The following REPS1 variants were observed in gnomAD, a reference collection of about 807,000 sequenced individuals.
REPS1 encodes the protein RALBP1 associated Eps domain containing 1, also known as ralBP1-associated Eps domain-containing protein 1.
Under a neutral mutation model 100.9 loss-of-function variants are expected in REPS1, and 39 were observed. The ratio of observed to expected loss-of-function variants is 0.39; its 90% confidence interval spans 0.30 to 0.50. The LOEUF (loss-of-function observed/expected upper bound fraction) is 0.50. REPS1 is among the 20% of genes least tolerant of loss of function. The pLI, the probability that REPS1 is intolerant of heterozygous loss-of-function variation, is 0.86. For missense variants in REPS1, 821 were observed against 968.5 expected (o/e 0.85, Z 2.02); for synonymous variants, 324 against 340.3 (o/e 0.95, Z 0.53).
At chr6:138,920,826 A>G (rs967985785) in intron 11 of REPS1, among the ~76,000 whole-genome samples, 1 of 152,236 alleles carries the variant, frequency 6.6e-6, no homozygotes, top group Non-Finnish European at 1.5e-5. Flanking sequence ...GAAATGTCAC[A>G]TTTTCAAATG....
At chr6:138,941,693 G>A (rs1782260647) in intron 7 of REPS1, among the ~76,000 whole-genome samples, 1 of 151,994 alleles carries the variant, frequency 6.6e-6, no homozygotes, top group Non-Finnish European at 1.5e-5. Flanking sequence ...GAATGCTTAT[G>A]GTACTCTTCT....
At chr6:138,979,241 C>T (rs1784795793) in intron 1 of REPS1, among the ~76,000 whole-genome samples, 1 of 145,870 alleles carries the variant, frequency 6.9e-6, no homozygotes, top group South Asian at 2.2e-4. Flanking sequence ...TATCAAAGGA[C>T]TCTGTGCAGT....
chr6:138,923,525 G>C (rs1375184023), intron 10 of REPS1, among the ~76,000 whole-genome samples: 1 of 152,184 alleles, frequency 6.6e-6, no homozygotes. Context: ...TATTTGCAGT[G>C]CAATCAATCA....
intron 1 of REPS1, among the ~76,000 whole-genome samples, chr6:138,950,435 G>A (rs185715815): frequency 6.6e-6 from 1 of 152,252 alleles, no homozygotes; most frequent in African/African-American, 2.4e-5. Context: ...AAGCTATGAT[G>A]GTTTTACTTC....
intron 1 of REPS1, among the ~76,000 whole-genome samples, chr6:138,974,246 T>C (rs1399991962): frequency 6.6e-6 from 1 of 152,170 alleles, no homozygotes; most frequent in South Asian, 2.1e-4. Flanking sequence ...AAGAAATCTG[T>C]CTACAAACCT....
At chr6:138,925,132 G>A (rs1182935037) in intron 10 of REPS1, among the ~76,000 whole-genome samples, 3 of 151,972 alleles carry the variant, frequency 2.0e-5, no homozygotes, top group Admixed American at 1.3e-4. Flanking sequence ...GATCACTGGA[G>A]GTCAGGAGTT....
rs1779485206 is a variant in REPS1 at position 138,903,678 on chromosome 6, CAA to C, written c.*1384_*1385del. ...CTGAGTAAAAATGTTTCTTTGAAAACAAAGACACTCAGAAAAACAGGTGTTGA... is the reference window on the plus strand; with the variant it reads ...CTGAGTAAAAATGTTTCTTTGAAAACAGACACTCAGAAAAACAGGTGTTGA... On this transcript the variant is annotated 3_prime_UTR_variant, in exon 20 of 20. Transcript: ENST00000450536. 6.6e-6 allele frequency: 1 copy of C among 152,096 alleles called. No individual in the cohort carries two copies. The highest frequency in any genetic ancestry group is 1.5e-5 in the Non-Finnish European group (1 of 67,988). The allele number at this position is 152,096 out of a possible 1,614,324, so 9.4% of individuals were successfully genotyped here. A position where few individuals can be genotyped will look rare whatever the true frequency, so the allele number is the denominator to read the frequency against.
chr6:138,924,730 C>T (rs912298740), intron 10 of REPS1, among the ~76,000 whole-genome samples: 1 of 152,084 alleles, frequency 6.6e-6, no homozygotes, highest in African/African-American at 2.4e-5. Context: ...AAACTTTAAA[C>T]TTAAAAAGAA....
chr6:138,926,474 TC>T lies in REPS1; in HGVS notation c.1264del (p.Glu422ArgfsTer13). The part of the protein sequence containing the change: ...PELNQSSEQW[E>X]TFSERSSSSQ... Reference sequence around the variant, plus strand: ...GCTTGAAGAGCGTTCACTAAATGTCTCCCACTGCTGAACAGACAGAGGAGAG... The same window carrying T: ...GCTTGAAGAGCGTTCACTAAATGTCTCCACTGCTGAACAGACAGAGGAGAG... On this transcript the variant is annotated frameshift_variant, in exon 10 of 20. Coordinates refer to ENST00000450536, the MANE Select transcript of REPS1 (RefSeq NM_001286611.2). The T allele has an allele frequency of 6.2e-7, 1 of 1,609,610 alleles. No homozygotes were observed. The highest frequency in any genetic ancestry group is 8.5e-7 in the Non-Finnish European group (1 of 1,176,684).
At chr6:138,964,427 T>C (rs891753078) in intron 1 of REPS1, among the ~76,000 whole-genome samples, 2 of 152,136 alleles carry the variant, frequency 1.3e-5, no homozygotes, top group African/African-American at 2.4e-5. Flanking sequence ...ATAAAATTCA[T>C]CATAGAAGAA....
At chr6:138,917,529 T>C (rs1780483100) in intron 13 of REPS1, 26 bp downstream of exon 13, 1 of 1,558,014 alleles carries the variant, frequency 6.4e-7, no homozygotes, top group Non-Finnish European at 8.9e-7. Flanking sequence ...TAGTTTAACA[T>C]GCTTTTCATT....
Position 138,966,360 on chromosome 6 carries a change from AT to A in REPS1, c.154-18448del, listed in dbSNP as rs569310598. On this transcript the variant is annotated intron_variant, in intron 1 of 19. Coordinates refer to ENST00000450536, the MANE Select transcript of REPS1 (RefSeq NM_001286611.2). ...AAGAGAAACCCATTCCACTGTTAGG[AT>A]AATGTACTACACCCGTGCTATGGGT... 3.2e-4 allele frequency among the ~76,000 whole-genome samples: 48 copies of A among 152,282 alleles called. 1 individual carries two copies. In the South Asian group the frequency reaches 1.0e-2, roughly 32 times the overall value.
intron 1 of REPS1, among the ~76,000 whole-genome samples, chr6:138,967,483 T>C (rs1784088494): frequency 1.3e-5 from 2 of 152,220 alleles, no homozygotes; most frequent in African/African-American, 2.4e-5. Flanking sequence ...AAAGTTGAGG[T>C]TGACTCAACC....
chr6:138,907,366 T>C, intron 19 of REPS1, 129 bp downstream of exon 19: 3 of 433,386 alleles, frequency 6.9e-6, no homozygotes, highest in Non-Finnish European at 1.3e-5. Flanking sequence ...CTAACCACAG[T>C]CAAAGCATCT....
intron 5 of REPS1, 75 bp from the exon 6 acceptor site, chr6:138,944,090 A>C: frequency 7.2e-7 from 1 of 1,393,236 alleles, no homozygotes; most frequent in Non-Finnish European, 1.0e-6. Flanking sequence ...TAGGTTATTT[A>C]TCTTTGAAAG....
chr6:138,967,514 G>C (rs1784089985), intron 1 of REPS1, among the ~76,000 whole-genome samples: 1 of 152,132 alleles, frequency 6.6e-6, no homozygotes, highest in Non-Finnish European at 1.5e-5. Context: ...CGATCTGCTG[G>C]GATTTATTAG....
chr6:138,941,273 T>C, intron 8 of REPS1, 62 bp downstream of exon 8: 2 of 1,546,694 alleles, frequency 1.3e-6, no homozygotes, highest in Non-Finnish European at 1.8e-6. Context: ...GATTTTTCTT[T>C]CAGAATCAAG....
intron 1 of REPS1, among the ~76,000 whole-genome samples, chr6:138,958,578 T>A (rs1245753634): frequency 1.3e-5 from 2 of 152,150 alleles, no homozygotes; most frequent in Admixed American, 1.3e-4. Context: ...CTCCCACTTA[T>A]GAGTGAGAAC....
chr6:138,912,692 T>A, intron 16 of REPS1, 73 bp downstream of exon 16: 2 of 1,407,520 alleles, frequency 1.4e-6, no homozygotes, highest in South Asian at 2.3e-5. Flanking sequence ...CCCTCTAATA[T>A]CTGCTCTGTT....
Sources: allele counts gnomAD v4.1 joint callset (sites outside exome capture counted in the v4.1 genomes callset), GRCh38; gene constraint gnomAD v4.1.1; transcripts MANE v1.5; gene names NCBI Gene and HGNC (gene_info 2026-07-23, HGNC 2026-07-21).